Variants in ANXA8 observed in about 807,000 individuals in gnomAD.
ANXA8 encodes the protein VAC-beta.
Under a neutral mutation model 26.8 loss-of-function variants are expected in ANXA8, and 9 were observed. That is an observed-to-expected ratio of 0.34 (90% confidence interval 0.20 to 0.59). The LOEUF is 0.59. Ranked by LOEUF, ANXA8 falls within the 20% of genes least tolerant of loss-of-function variation. ANXA8 has a pLI of 0.84. For missense variants in ANXA8, 83 were observed against 238.5 expected, an observed-to-expected ratio of 0.35 and a Z score of 4.29; for synonymous variants, 39 against 94.8, an observed-to-expected ratio of 0.41 and a Z score of 3.42.
the ANXA8 span, among the ~76,000 whole-genome samples, chr10:47,670,159 G>A: frequency 6.6e-6 from 1 of 151,764 alleles, no homozygotes; most frequent in African/African-American, 2.4e-5. Context: ...ATATTTTTGT[G>A]GTTCATCTAT....
chr10:47,950,455 T>A, the ANXA8 span, among the ~76,000 whole-genome samples: 13 of 152,024 alleles, frequency 8.6e-5, no homozygotes, highest in East Asian at 2.2e-3. Flanking sequence ...GTGTTCTATA[T>A]CCTAGGAATG....
upstream of ANXA8, among the ~76,000 whole-genome samples, chr10:47,487,944 C>G (rs1306911598): frequency 4.6e-5 from 7 of 150,948 alleles, no homozygotes. Flanking sequence ...TGTCTTCCCC[C>G]TCAAAACTCA....
At chr10:47,520,636 C>G in the ANXA8 span, 1 of 1,145,116 alleles carries the variant, frequency 8.7e-7, no homozygotes, top group Non-Finnish European at 1.2e-6. Flanking sequence ...CTCGTTTATT[C>G]GGCTGCTGCA....
At chr10:47,469,980 G>A (rs1289192389) in intron 11 of ANXA8, among the ~76,000 whole-genome samples, 1 of 151,594 alleles carries the variant, frequency 6.6e-6, no homozygotes, top group Non-Finnish European at 1.5e-5. Flanking sequence ...CTGGGCTCAA[G>A]CGATCCTCCC....
chr10:47,501,743 G>A, the ANXA8 span: 7 of 379,546 alleles, frequency 1.8e-5, 1 homozygote, highest in African/African-American at 1.6e-4. Context: ...TGAAAAAGAG[G>A]TGCCATGTGT....
At position 47,475,115 on chromosome 10, in the gene ANXA8, G is replaced by A. The variant is rs1261632699; in HGVS notation, c.493-111C>T. 361 of 1,464,740 alleles carry A rather than the reference G, an allele frequency of 2.5e-4. 3 individuals carry two copies. In the African/African-American group the frequency reaches 4.5e-3, roughly 18 times the overall value. 90.7% of individuals were successfully genotyped at this position (1,464,740 alleles called of 1,614,324 possible). ...GGCATGGCTCTGCTGCTCTTTGGCT[G>A]TGGAAACTTCGACAAGCCAGTTATT... On this transcript the variant is annotated intron_variant, in intron 6 of 11. Coordinates refer to ENST00000585281, the MANE Select transcript of ANXA8 (RefSeq NM_001040084.3).
the ANXA8 span, among the ~76,000 whole-genome samples, chr10:47,503,787 A>G: frequency 6.1e-4 from 82 of 133,836 alleles, no homozygotes; most frequent in Non-Finnish European, 1.1e-3. Context: ...AAAAAAAATT[A>G]GCTGGGCATG....
At chr10:47,959,040 C>A in the ANXA8 span, among the ~76,000 whole-genome samples, 1 of 149,202 alleles carries the variant, frequency 6.7e-6, no homozygotes. Flanking sequence ...GGGGGAGGGC[C>A]GGGGGATGAG....
chr10:47,687,582 A>G, the ANXA8 span, among the ~76,000 whole-genome samples: 1 of 151,860 alleles, frequency 6.6e-6, no homozygotes. Flanking sequence ...ACATTTCAAG[A>G]TAATATATTT....
chr10:47,699,344 CAAAAAAAA>C, the ANXA8 span, among the ~76,000 whole-genome samples: 1 of 54,204 alleles, frequency 1.8e-5, no homozygotes, highest in African/African-American at 7.4e-5. Context: ...ATTCTGTCTC[CAAAAAAAA>C]AAAAAAAAAA....
chr10:47,585,087 C>CA, the ANXA8 span, among the ~76,000 whole-genome samples: 5,586 of 140,284 alleles, frequency 0.04, 229 homozygotes, highest in East Asian at 0.16. Context: ...GACTCTGTCT[C>CA]AAAAAAAATA....
the ANXA8 span, among the ~76,000 whole-genome samples, chr10:47,733,147 TTCTTTCTTTC>T: frequency 5.6e-4 from 29 of 51,622 alleles, no homozygotes; most frequent in Admixed American, 2.3e-3. Context: ...TCCCTAATCT[TTCTTTCTTTC>T]TTTCTTTCTT....
the ANXA8 span, among the ~76,000 whole-genome samples, chr10:47,597,665 GA>G: frequency 4.4e-4 from 50 of 114,348 alleles, 1 homozygote; most frequent in East Asian, 0.01. Context: ...AAGAGCCACA[GA>G]AAAAAAAAAA....
chr10:47,622,037 G>A, the ANXA8 span, among the ~76,000 whole-genome samples: 6 of 110,344 alleles, frequency 5.4e-5, 1 homozygote, highest in South Asian at 1.8e-3. Context: ...TTATAAAATT[G>A]GTATCTGAAA....
chr10:47,493,720 G>T, the ANXA8 span, among the ~76,000 whole-genome samples: 3 of 150,820 alleles, frequency 2.0e-5, no homozygotes, highest in Non-Finnish European at 4.4e-5. Context: ...GGCCTCTGGG[G>T]ACAACTGCCC....
the ANXA8 span, among the ~76,000 whole-genome samples, chr10:47,549,017 T>A: frequency 2.6e-5 from 4 of 152,378 alleles, no homozygotes; most frequent in East Asian, 5.8e-4. Context: ...GTATGAATGT[T>A]AATGAGCTCT....
At chr10:47,955,159 C>A in the ANXA8 span, among the ~76,000 whole-genome samples, 5 of 149,774 alleles carry the variant, frequency 3.3e-5, no homozygotes, top group Admixed American at 1.3e-4. Context: ...AGTTCCCTTG[C>A]ACAAGCTCTC....
chr10:47,764,374 G>A, the ANXA8 span, among the ~76,000 whole-genome samples: 3 of 151,438 alleles, frequency 2.0e-5, no homozygotes, highest in Non-Finnish European at 4.4e-5. Context: ...CTCACAGTTC[G>A]GGGGGTCGGG....
chr10:47,596,562 A>G, the ANXA8 span, among the ~76,000 whole-genome samples: 6 of 147,756 alleles, frequency 4.1e-5, no homozygotes, highest in Admixed American at 6.6e-5. Flanking sequence ...AAAGATCCAA[A>G]TAAGCACAAT....
Sources: allele counts gnomAD v4.1 joint callset (sites outside exome capture counted in the v4.1 genomes callset), GRCh38; gene constraint gnomAD v4.1.1; transcripts MANE v1.5; gene names NCBI Gene and HGNC (gene_info 2026-07-23, HGNC 2026-07-21).